FAM168A: variants seen among roughly 807,000 people sequenced by gnomAD.
The protein encoded by FAM168A is protein FAM168A.
In FAM168A, 3 loss-of-function variants were observed where a neutral mutation model predicts 28.5. The observed-to-expected ratio is 0.11, with a 90% CI of 0.05 to 0.27. The LOEUF is 0.27. Among genes scored for constraint, FAM168A ranks in the 10% least tolerant of loss-of-function variants. FAM168A has a pLI of 1.00. For synonymous variants in FAM168A, 122 were observed against 124.2 expected (o/e 0.98, Z 0.12); for missense variants, 222 against 311.5 (o/e 0.71, Z 2.16).
rs2134493074 is a variant in FAM168A, at chr11:73,418,398, T to C, written c.277+1476A>G. 1.3e-5 allele frequency among the ~76,000 whole-genome samples: 2 copies of C among 152,308 alleles called. 1 individual carries two copies. Among genetic ancestry groups the C allele is most frequent in the South Asian group, 4.1e-4 (2 of 4,820 alleles). ...TGATATGCTGGCTTCCTCTTTTGCC[T>C]TCCGCCATGACTGTAAGCTTCCTGA... On this transcript the variant is annotated intron_variant, in intron 4 of 7. Coordinates refer to ENST00000356467, the MANE Select transcript of FAM168A (RefSeq NM_015159.3).
At chr11:73,456,106 G>A (rs1238762353) in intron 2 of FAM168A, among the ~76,000 whole-genome samples, 2 of 152,192 alleles carry the variant, frequency 1.3e-5, no homozygotes, top group Non-Finnish European at 2.9e-5. Flanking sequence ...TTCTAGGGAT[G>A]TCATGAGGAT....
At position 73,439,216 on chromosome 11, in the gene FAM168A, C is replaced by G. The variant is rs566229529; in HGVS notation, c.71-8446G>C. 1.3e-5 allele frequency among the ~76,000 whole-genome samples: 2 copies of G among 152,210 alleles called. 1 individual carries two copies. Among genetic ancestry groups the G allele is most frequent in the Admixed American group, 1.3e-4 (2 of 15,296 alleles). On this transcript the variant is annotated intron_variant, in intron 2 of 7. Coordinates refer to ENST00000356467, the MANE Select transcript of FAM168A (RefSeq NM_015159.3). ...GCCCAGCCACCCAGCCTTCCACTGG[C>G]GAGCTGCAGGGAATTGTAAAGGGTG...
rs1011734200 is a variant in FAM168A at position 73,516,118 on chromosome 11, G to T, written c.-18-47626C>A. 2.7e-4 allele frequency among the ~76,000 whole-genome samples: 39 copies of T among 142,446 alleles called. 1 individual carries two copies. The highest frequency in any genetic ancestry group is 9.9e-4 in the African/African-American group (37 of 37,306). 93.5% of individuals were successfully genotyped at this position (142,446 alleles called of 152,430 possible). On this transcript the variant is annotated intron_variant, in intron 1 of 7. Coordinates refer to ENST00000356467, the MANE Select transcript of FAM168A (RefSeq NM_015159.3). ...CTGCCTTTAAAAAAAAAAAAAAAAA[G>T]AATCAGAATCATCTTAGAAAACTCC...
chr11:73,548,264 TAAGC>T (rs201756404), intron 1 of FAM168A, among the ~76,000 whole-genome samples: 3,661 of 152,110 alleles, frequency 0.024, 66 homozygotes, highest in Middle Eastern at 0.041. Flanking sequence ...AATAAATAAA[TAAGC>T]AAGCAAGCTG....
intron 2 of FAM168A, among the ~76,000 whole-genome samples, chr11:73,442,111 A>T (rs1867206092): frequency 6.8e-6 from 1 of 147,410 alleles, no homozygotes. Flanking sequence ...TATTGAGTTG[A>T]GGTCTTTCTT....
intron 1 of FAM168A, chr11:73,580,343 A>G: frequency 1.7e-6 from 1 of 586,278 alleles, no homozygotes; most frequent in Non-Finnish European, 3.4e-6. Flanking sequence ...TGTCTGCTAA[A>G]CCTGCTCCTC....
rs546309760 is a variant in FAM168A at position 73,497,383 on chromosome 11, T to C, written c.-18-28891A>G. Among the ~76,000 whole-genome samples the C allele has an allele frequency of 4.1e-4, 63 of 151,906 alleles. 1 individual carries two copies. The highest frequency in any genetic ancestry group is 1.4e-3 in the African/African-American group (59 of 41,398). ...GGGAGGCTGAGGCAGGAGAATCACT[T>C]GAACCTGGGAGGCGGAGGTTGCACC... On this transcript the variant is annotated intron_variant, in intron 1 of 7. Transcript: ENST00000356467.
intron 1 of FAM168A, among the ~76,000 whole-genome samples, chr11:73,500,499 C>T (rs1854987908): frequency 6.6e-6 from 1 of 152,066 alleles, no homozygotes; most frequent in Non-Finnish European, 1.5e-5. Flanking sequence ...ACCACATGAT[C>T]CACCCACCTT....
chr11:73,559,174 G>A (rs1003930192), intron 1 of FAM168A, among the ~76,000 whole-genome samples: 6 of 152,186 alleles, frequency 3.9e-5, no homozygotes, highest in Non-Finnish European at 8.8e-5. Flanking sequence ...TTGGGACGCC[G>A]AGGCAGGTGG....
At chr11:73,576,997 A>G (rs1944185364) in intron 1 of FAM168A, among the ~76,000 whole-genome samples, 1 of 152,212 alleles carries the variant, frequency 6.6e-6, no homozygotes, top group Non-Finnish European at 1.5e-5. Context: ...CTAGCACCAT[A>G]AAGCTCAAAT....
At chr11:73,596,825 C>T (rs909453260) in intron 1 of FAM168A, among the ~76,000 whole-genome samples, 1 of 152,098 alleles carries the variant, frequency 6.6e-6, no homozygotes, top group Non-Finnish European at 1.5e-5. Context: ...CTTAAATTTC[C>T]CCTGTGCCAC....
At chr11:73,431,628 A>AT (rs1479721332) in intron 2 of FAM168A, among the ~76,000 whole-genome samples, 1 of 152,190 alleles carries the variant, frequency 6.6e-6, no homozygotes, top group Non-Finnish European at 1.5e-5. Context: ...ACTATGACCA[A>AT]TTTGATGCTA....
chr11:73,447,750 C>G (rs1867348498), intron 2 of FAM168A, among the ~76,000 whole-genome samples: 3 of 150,688 alleles, frequency 2.0e-5, no homozygotes, highest in Non-Finnish European at 4.4e-5. Context: ...AATCACCAAG[C>G]CTTGTGGCTG....
At chr11:73,439,267 T>A (rs1867149556) in intron 2 of FAM168A, among the ~76,000 whole-genome samples, 1 of 152,102 alleles carries the variant, frequency 6.6e-6, no homozygotes, top group South Asian at 2.1e-4. Context: ...GAGGCACTGT[T>A]CTCATCTAGG....
intron 1 of FAM168A, among the ~76,000 whole-genome samples, chr11:73,523,379 C>A (rs914646067): frequency 5.3e-5 from 8 of 151,306 alleles, no homozygotes; most frequent in Non-Finnish European, 8.9e-5. Flanking sequence ...CACAGGCTGG[C>A]CTTGAAGTTG....
intron 2 of FAM168A, among the ~76,000 whole-genome samples, chr11:73,440,396 A>G (rs557003738): frequency 1.3e-5 from 2 of 152,338 alleles, no homozygotes; most frequent in East Asian, 3.9e-4. Context: ...CTGAAATCCC[A>G]ACACTTTGGG....
At chr11:73,597,141 A>G (rs770056388) in intron 1 of FAM168A, among the ~76,000 whole-genome samples, 1 of 151,672 alleles carries the variant, frequency 6.6e-6, no homozygotes, top group African/African-American at 2.4e-5. Context: ...CTGACTTCCA[A>G]TGTGGCCCCT....
intron 1 of FAM168A, among the ~76,000 whole-genome samples, chr11:73,583,259 C>T (rs1447357837): frequency 1.3e-5 from 2 of 152,128 alleles, no homozygotes; most frequent in Admixed American, 6.5e-5. Flanking sequence ...GCCGAGATCA[C>T]GCCACTGCAC....
chr11:73,468,629 C>A, intron 1 of FAM168A, 137 bp from the exon 2 acceptor site: 1 of 670,408 alleles, frequency 1.5e-6, no homozygotes, highest in Non-Finnish European at 2.5e-6. Flanking sequence ...ACAAAAAAGC[C>A]AATTTGCTTG....
Sources: allele counts gnomAD v4.1 joint callset (sites outside exome capture counted in the v4.1 genomes callset), GRCh38; gene constraint gnomAD v4.1.1; transcripts MANE v1.5; gene names NCBI Gene and HGNC (gene_info 2026-07-23, HGNC 2026-07-21).